Variants in ALK observed in about 807,000 individuals in gnomAD.
ALK encodes ALK receptor tyrosine kinase.
A neutral mutation model predicts 163.1 loss-of-function variants in ALK; 74 were observed. That is an observed-to-expected ratio of 0.45 (90% CI 0.38 to 0.55). The LOEUF (loss-of-function observed/expected upper bound fraction) is 0.55. ALK is among the 20% of genes least tolerant of loss of function. The probability of loss-of-function intolerance (pLI) is 0.00; values close to 1 mark genes in which losing one functional copy is unlikely to be tolerated. For synonymous variants in ALK, 960 were observed against 843.2 expected (o/e 1.14, Z -2.40); for missense variants, 2,063 against 2,105.3 (o/e 0.98, Z 0.39).
intron 3 of ALK, among the ~76,000 whole-genome samples, chr2:29,593,687 G>C (rs1558400183): frequency 6.6e-6 from 1 of 152,230 alleles, no homozygotes; most frequent in East Asian, 1.9e-4. Context: ...TGCATTTAGG[G>C]ATGTGATGAA....
intron 3 of ALK, among the ~76,000 whole-genome samples, chr2:29,546,105 T>C (rs1673545879): frequency 6.6e-6 from 1 of 152,232 alleles, no homozygotes; most frequent in Non-Finnish European, 1.5e-5. Flanking sequence ...GATGTATATG[T>C]ATGTCTATGT....
intron 4 of ALK, among the ~76,000 whole-genome samples, chr2:29,392,995 ATGCTCAAGGTCACTGAG>A (rs796301903): frequency 2.0e-5 from 3 of 151,726 alleles, no homozygotes; most frequent in Admixed American, 6.6e-5. Context: ...AGGTCACTGA[ATGCTCAAGGTCACTGAG>A]TGTTCAAGGT....
intron 3 of ALK, among the ~76,000 whole-genome samples, chr2:29,533,038 G>A (rs958095012): frequency 1.3e-5 from 2 of 152,162 alleles, no homozygotes; most frequent in African/African-American, 4.8e-5. Context: ...GCAGATAAAA[G>A]AGGGGGATTC....
At chr2:29,450,772 T>C (rs1670800686) in intron 4 of ALK, among the ~76,000 whole-genome samples, 1 of 152,186 alleles carries the variant, frequency 6.6e-6, no homozygotes, top group Non-Finnish European at 1.5e-5. Context: ...AGGAACCTGT[T>C]AGCTTGAGGT....
chr2:29,403,854 G>A (rs573517862), intron 4 of ALK, among the ~76,000 whole-genome samples: 1 of 152,018 alleles, frequency 6.6e-6, no homozygotes, highest in African/African-American at 2.4e-5. Context: ...TGAGGCTGCA[G>A]TGAGCAATGA....
chr2:29,728,470 G>A (rs1482804589), intron 1 of ALK, among the ~76,000 whole-genome samples: 2 of 152,214 alleles, frequency 1.3e-5, no homozygotes, highest in East Asian at 3.8e-4. Flanking sequence ...AGCTTAGAGT[G>A]TGGAAGGCAG....
intron 5 of ALK, among the ~76,000 whole-genome samples, chr2:29,378,769 G>T (rs1404981013): frequency 6.7e-6 from 1 of 149,722 alleles, no homozygotes; most frequent in Non-Finnish European, 1.5e-5. Flanking sequence ...AGGCTGGAGT[G>T]CAGTGGTGCC....
chr2:29,240,680 C>T (rs1664501536), intron 12 of ALK, among the ~76,000 whole-genome samples: 1 of 152,152 alleles, frequency 6.6e-6, no homozygotes, highest in South Asian at 2.1e-4. Context: ...GAGATGATTT[C>T]TGCTGCCTCT....
intron 4 of ALK, among the ~76,000 whole-genome samples, chr2:29,397,336 A>G (rs909405853): frequency 3.3e-5 from 5 of 152,192 alleles, no homozygotes; most frequent in Admixed American, 6.5e-5. Context: ...AGGAATGCCA[A>G]AGATTGCCAG....
rs116323289 is a variant in ALK, at chr2:29,864,578, G to A, written c.667+55415C>T. 3.1e-3 allele frequency among the ~76,000 whole-genome samples: 468 copies of A among 152,276 alleles called. 2 individuals are homozygous for A. Among genetic ancestry groups the A allele is most frequent in the African/African-American group, 0.01 (433 of 41,554 alleles). ...CTGTGTTGATAAATCCTAATACAGT[G>A]TCTGGCACATAGTCAACAAACATTT... On this transcript the variant is annotated intron_variant, in intron 1 of 28. Coordinates refer to ENST00000389048, the MANE Select transcript of ALK (RefSeq NM_004304.5).
At chr2:29,725,154 C>CAAAAAAA (rs757959526) in intron 1 of ALK, among the ~76,000 whole-genome samples, 40,756 of 66,246 alleles carry the variant, frequency 0.62, 12,283 homozygotes, top group Non-Finnish European at 0.68. Context: ...TATCCTATAC[C>CAAAAAAA]AAAAAAAAAA....
At chr2:29,894,365 C>T (rs933887614) in intron 1 of ALK, among the ~76,000 whole-genome samples, 8 of 152,064 alleles carry the variant, frequency 5.3e-5, no homozygotes, top group African/African-American at 1.7e-4. Context: ...CAGTGAGATA[C>T]TTGGGCAAGG....
intron 5 of ALK, among the ~76,000 whole-genome samples, chr2:29,371,877 G>A (rs1668646177): frequency 6.6e-6 from 1 of 152,140 alleles, no homozygotes; most frequent in Non-Finnish European, 1.5e-5. Flanking sequence ...CCACCCTGGA[G>A]TGATGCCTTA....
intron 1 of ALK, among the ~76,000 whole-genome samples, chr2:29,740,585 T>C (rs1461964880): frequency 9.2e-5 from 14 of 152,240 alleles, no homozygotes; most frequent in South Asian, 2.1e-4. Flanking sequence ...TGGTTATGAA[T>C]AGTGCCAATA....
intron 2 of ALK, among the ~76,000 whole-genome samples, chr2:29,716,994 T>A (rs1287320869): frequency 6.1e-5 from 6 of 98,608 alleles, no homozygotes; most frequent in South Asian, 3.6e-4. Context: ...CTACCAAAAA[T>A]CCAAAAAAAA....
chr2:29,857,459 A>AAT (rs1026017778), intron 1 of ALK, among the ~76,000 whole-genome samples: 28 of 152,194 alleles, frequency 1.8e-4, no homozygotes, highest in Non-Finnish European at 4.1e-4. Flanking sequence ...TGTGGCATAT[A>AAT]ATAGTGTAGT....
At chr2:29,627,383 G>A (rs1404196897) in intron 3 of ALK, among the ~76,000 whole-genome samples, 1 of 152,128 alleles carries the variant, frequency 6.6e-6, no homozygotes, top group Non-Finnish European at 1.5e-5. Flanking sequence ...CCAACATAAG[G>A]CTCACTGTTG....
intron 4 of ALK, among the ~76,000 whole-genome samples, chr2:29,463,569 G>C (rs1470179891): frequency 6.6e-6 from 1 of 152,198 alleles, no homozygotes; most frequent in Non-Finnish European, 1.5e-5. Flanking sequence ...AGGGAAACAA[G>C]TGATCCTTGA....
At chr2:29,671,825 G>A (rs1165057940) in intron 3 of ALK, among the ~76,000 whole-genome samples, 5 of 152,036 alleles carry the variant, frequency 3.3e-5, no homozygotes, top group Middle Eastern at 3.4e-3. Context: ...AAACCAGCTT[G>A]CTTCTACACC....
Sources: gnomAD v4.1 joint callset for allele counts (sites outside exome capture counted in the v4.1 genomes callset) on GRCh38, gnomAD v4.1.1 for gene constraint, MANE v1.5 for transcripts, NCBI Gene and HGNC (gene_info 2026-07-23, HGNC 2026-07-21) for gene names.